The following NPY2R variants were observed in gnomAD, a reference collection of about 807,000 sequenced individuals.
NPY2R encodes the protein neuropeptide Y receptor Y2, also known as neuropeptide Y receptor type 2.
NPY2R carries 17 observed loss-of-function variants against 22.3 expected under a neutral mutation model. The observed-to-expected ratio is 0.76, with a 90% CI of 0.52 to 1.14. The LOEUF is 1.14. Among genes scored for constraint, NPY2R ranks in the 50% most tolerant of loss-of-function variants. The pLI is 0.00. For missense variants in NPY2R, 424 were observed against 467.9 expected (o/e 0.91, Z 0.87); for synonymous variants, 209 against 183.4 (o/e 1.14, Z -1.13).
chr4:155,210,290 A>G (rs567780030), intron 1 of NPY2R, among the ~76,000 whole-genome samples: 2 of 151,026 alleles, frequency 1.3e-5, no homozygotes, highest in African/African-American at 4.9e-5. Context: ...AACACTGTCT[A>G]TATTCTAAGA....
the NPY2R span, among the ~76,000 whole-genome samples, chr4:155,191,373 A>C: frequency 1.1e-3 from 169 of 151,972 alleles, no homozygotes; most frequent in African/African-American, 3.9e-3. Context: ...CAAGCTTTCC[A>C]CCTTACCACC....
chr4:155,189,066 G>A, the NPY2R span, among the ~76,000 whole-genome samples: 4 of 151,978 alleles, frequency 2.6e-5, no homozygotes, highest in South Asian at 4.1e-4. Flanking sequence ...CTAATATTAC[G>A]ATATGCCTTA....
chr4:155,193,504 T>G, the NPY2R span, among the ~76,000 whole-genome samples: 2 of 151,910 alleles, frequency 1.3e-5, no homozygotes. Context: ...TGGAAAGATT[T>G]GTGTCCTTGA....
At chr4:155,204,366 C>T (rs1012100846), upstream of NPY2R, among the ~76,000 whole-genome samples, 4 of 152,282 alleles carry the variant, frequency 2.6e-5, no homozygotes, top group African/African-American at 7.2e-5. Flanking sequence ...GAACACTTTA[C>T]GTGGACTCCA....
chr4:155,191,790 C>T, the NPY2R span, among the ~76,000 whole-genome samples: 1 of 151,746 alleles, frequency 6.6e-6, no homozygotes, highest in Non-Finnish European at 1.5e-5. Context: ...ACTTATTTTT[C>T]ACATGTCAAC....
the NPY2R span, among the ~76,000 whole-genome samples, chr4:155,174,479 TATA>T: frequency 1.1e-3 from 100 of 90,794 alleles, 1 homozygote; most frequent in African/African-American, 5.4e-3. Context: ...TATATATATA[TATA>T]TATTTTTTTT....
chr4:155,175,479 T>C, the NPY2R span, among the ~76,000 whole-genome samples: 1 of 152,122 alleles, frequency 6.6e-6, no homozygotes, highest in African/African-American at 2.4e-5. Context: ...ATCCAAATCT[T>C]AGCCTAGTCT....
At chr4:155,174,348 C>T in the NPY2R span, 2 of 150,942 alleles carry the variant, frequency 1.3e-5, no homozygotes, top group African/African-American at 2.4e-5. Context: ...TTCACATTTG[C>T]CAAATGCTAT....
chr4:155,192,375 G>A, the NPY2R span, among the ~76,000 whole-genome samples: 1 of 151,776 alleles, frequency 6.6e-6, no homozygotes, highest in African/African-American at 2.4e-5. Context: ...CTGATTTGGG[G>A]TGAGAATATA....
At chr4:155,202,094 C>A in the NPY2R span, among the ~76,000 whole-genome samples, 11 of 152,142 alleles carry the variant, frequency 7.2e-5, no homozygotes, top group Non-Finnish European at 1.6e-4. Context: ...TTGTTCTTCA[C>A]CACTGGGTTC....
At chr4:155,203,680 G>A (rs1729231249), upstream of NPY2R, among the ~76,000 whole-genome samples, 2 of 151,988 alleles carry the variant, frequency 1.3e-5, no homozygotes, top group African/African-American at 4.8e-5. Context: ...AGGATATCTA[G>A]GTTCCATAAT....
chr4:155,198,433 C>T, the NPY2R span, among the ~76,000 whole-genome samples: 2 of 147,264 alleles, frequency 1.4e-5, no homozygotes, highest in Non-Finnish European at 3.0e-5. Flanking sequence ...ATATATATAT[C>T]TTTAAAAGTT....
chr4:155,210,859 G>A (rs780707348), intron 1 of NPY2R, among the ~76,000 whole-genome samples: 6 of 152,264 alleles, frequency 3.9e-5, no homozygotes, highest in African/African-American at 1.4e-4. Context: ...TGAGATAAAT[G>A]GAGCGGGAGA....
At chr4:155,204,060 G>A (rs1026505333), upstream of NPY2R, among the ~76,000 whole-genome samples, 5 of 152,048 alleles carry the variant, frequency 3.3e-5, no homozygotes, top group Non-Finnish European at 5.9e-5. Flanking sequence ...CTGATTTGTG[G>A]GTTTACTTCT....
At chr4:155,174,444 C>G in the NPY2R span, among the ~76,000 whole-genome samples, 2 of 124,466 alleles carry the variant, frequency 1.6e-5, no homozygotes, top group African/African-American at 3.9e-5. Flanking sequence ...GGAAATTTGG[C>G]ATATCATTGG....
At chr4:155,194,701 A>G in the NPY2R span, among the ~76,000 whole-genome samples, 105,778 of 151,850 alleles carry the variant, frequency 0.7, 38,065 homozygotes, top group East Asian at 0.94. Context: ...TACAATAAAC[A>G]CATAAATGCA....
chr4:155,177,034 A>G, the NPY2R span, among the ~76,000 whole-genome samples: 1 of 152,160 alleles, frequency 6.6e-6, no homozygotes, highest in Non-Finnish European at 1.5e-5. Flanking sequence ...GTGTTAACAC[A>G]TGCATTTTGG....
the NPY2R span, among the ~76,000 whole-genome samples, chr4:155,183,491 A>G: frequency 1.3e-5 from 2 of 152,230 alleles, no homozygotes; most frequent in African/African-American, 4.8e-5. Context: ...CAGAACTTCA[A>G]CTGGAACAAA....
At position 155,214,691 on chromosome 4, in the gene NPY2R, G is replaced by A. The variant is rs1729477128; in HGVS notation, c.752G>A (p.Ser251Asn). ...RIWSKLKNHV[S>N]PGAANDHYHQ... ...TGGAGTAAATTGAAGAACCATGTCA[G>A]TCCTGGAGCTGCAAATGACCACTAC... The change falls in exon 2 of 2, where the codon AGT becomes AAT. Residue 251 changes from serine to asparagine, a missense_variant. Transcript: ENST00000329476. 1 of 1,614,210 alleles carries A rather than the reference G, an allele frequency of 6.2e-7. No individual in the cohort carries two copies. Among genetic ancestry groups the A allele is most frequent in the African/African-American group, 1.3e-5 (1 of 75,044 alleles).
Sources: allele counts gnomAD v4.1 joint callset (sites outside exome capture counted in the v4.1 genomes callset), GRCh38; gene constraint gnomAD v4.1.1; transcripts MANE v1.5; gene names NCBI Gene and HGNC (gene_info 2026-07-23, HGNC 2026-07-21).